CHCHD10: variants seen among roughly 807,000 people sequenced by gnomAD.
The protein encoded by CHCHD10 is coiled-coil-helix-coiled-coil-helix domain containing 10.
Under a neutral mutation model 14.8 loss-of-function variants are expected in CHCHD10, and 10 were observed. The ratio of observed to expected loss-of-function variants is 0.67; its 90% CI spans 0.42 to 1.14. The LOEUF (loss-of-function observed/expected upper bound fraction) is 1.14. CHCHD10 is among the 50% of genes most tolerant of loss of function. The probability of loss-of-function intolerance (pLI) is 0.00; values close to 1 mark genes in which losing one functional copy is unlikely to be tolerated. For missense variants in CHCHD10, 203 were observed against 196.9 expected (o/e 1.03, Z -0.19); for synonymous variants, 90 against 85.2 (o/e 1.06, Z -0.31).
rs569834172 is a variant in CHCHD10 at position 23,766,377 on chromosome 22, G to T, written c.262-102C>A. 15 of 1,108,464 alleles carry T rather than the reference G, an allele frequency of 1.4e-5. No homozygotes were observed. In the East Asian group the frequency reaches 3.9e-4, roughly 29 times the overall value. The allele number at this position is 1,108,464 out of a possible 1,614,324, so 68.7% of individuals were successfully genotyped here. On this transcript the variant is annotated intron_variant, in intron 2 of 3. Coordinates refer to ENST00000484558, the MANE Select transcript of CHCHD10 (RefSeq NM_213720.3). ...CTGCCCCTCCCCACATCCCCAGCCT[G>T]GGTGTCCCAAGGGTCCTAGGCAGGC...
Position 23,765,845 on chromosome 22 carries a change from A to G in CHCHD10, c.*162T>C. On this transcript the variant is annotated 3_prime_UTR_variant, in exon 4 of 4. Transcript: ENST00000484558. ...GGCACACAACAGGCTGTGGTCTAAA[A>G]TAAACTTTTAATTGCACATTTGTGT... 1 of 1,532,032 alleles carries G rather than the reference A, an allele frequency of 6.5e-7. No homozygotes were observed. The highest frequency in any genetic ancestry group is 2.0e-5 in the Admixed American group (1 of 51,084). The allele number at this position is 1,532,032 out of a possible 1,614,324, so 94.9% of individuals were successfully genotyped here.
chr22:23,767,720 C>T (rs903041403), intron 1 of CHCHD10, 114 bp downstream of exon 1: 7 of 1,043,452 alleles, frequency 6.7e-6, no homozygotes, highest in Non-Finnish European at 9.7e-6. Context: ...GCACCCCCAC[C>T]CCTCCCCCCG....
Position 23,765,961 on chromosome 22 carries a change from G to A in CHCHD10, c.*46C>T. The A allele has an allele frequency of 6.2e-7, 1 of 1,612,746 alleles. No individual in the cohort carries two copies. Among genetic ancestry groups the A allele is most frequent in the Non-Finnish European group, 8.5e-7 (1 of 1,179,658 alleles). On this transcript the variant is annotated 3_prime_UTR_variant, in exon 4 of 4. Coordinates refer to ENST00000484558, the MANE Select transcript of CHCHD10 (RefSeq NM_213720.3). ...TGTTGTGGTCTGGCTGTCGGCGAGG[G>A]GTAGAGGTGGGTGCAGGACTGGCCC...
In CHCHD10 at chr22:23,766,261, A is replaced by AT; in HGVS notation, c.275_276insA (p.Ala93CysfsTer26). The AT allele has an allele frequency of 2.8e-6, 3 of 1,073,506 alleles. No homozygotes were observed. Among genetic ancestry groups the AT allele is most frequent in the Non-Finnish European group, 3.9e-6 (3 of 761,382 alleles). The allele number at this position is 1,073,506 out of a possible 1,614,324, so 66.5% of individuals were successfully genotyped here. A position where few individuals can be genotyped will look rare whatever the true frequency, so the allele number is the denominator to read the frequency against. On this transcript the variant is annotated frameshift_variant, in exon 3 of 4. Coordinates refer to ENST00000484558, the MANE Select transcript of CHCHD10 (RefSeq NM_213720.3). LOFTEE classifies it high-confidence loss of function. Reference sequence around the variant, plus strand: ...GCCCCATCTGCAGGGGCTGGGGGGCAGCGGGGGTGGGGGCCTGGGGGTACA... The same window carrying AT: ...GCCCCATCTGCAGGGGCTGGGGGGCATGCGGGGGTGGGGGCCTGGGGGTACA...
In CHCHD10 at chr22:23,765,977, G is replaced by A. The variant is rs778571138; in HGVS notation, c.*30C>T. On this transcript the variant is annotated 3_prime_UTR_variant, in exon 4 of 4. Transcript: ENST00000484558. ...TCGGCGAGGGGTAGAGGTGGGTGCA[G>A]GACTGGCCCCCGAGTCTGCACCGAC... The A allele has an allele frequency of 3.7e-6, 6 of 1,613,032 alleles. No homozygotes were observed. The highest frequency in any genetic ancestry group is 5.1e-6 in the Non-Finnish European group (6 of 1,179,816).
In CHCHD10 at chr22:23,766,208, A is replaced by G. The variant is rs1926787128; in HGVS notation, c.329T>C (p.Leu110Pro). The G allele has an allele frequency of 2.0e-6, 3 of 1,520,964 alleles. No individual in the cohort carries two copies. The highest frequency in any genetic ancestry group is 2.7e-6 in the Non-Finnish European group (3 of 1,119,554). 94.2% of individuals were successfully genotyped at this position (1,520,964 alleles called of 1,614,324 possible). The change falls in exon 3 of 4, where the codon CTG becomes CCG. Residue 110 changes from leucine to proline, a missense_variant. Coordinates refer to ENST00000484558, the MANE Select transcript of CHCHD10 (RefSeq NM_213720.3). ...GPCAYEIRQF[L>P]DCSTTQSDLS... Reference sequence around the variant, plus strand: ...GTCACTCTGAGTGGTGGAACAGTCCAGGAACTGCCTGATCTCGTAGGCGCA... The same window carrying G: ...GTCACTCTGAGTGGTGGAACAGTCCGGGAACTGCCTGATCTCGTAGGCGCA...
chr22:23,766,725 T>C (rs1315483157), intron 2 of CHCHD10, among the ~76,000 whole-genome samples: 2 of 152,220 alleles, frequency 1.3e-5, no homozygotes, highest in Non-Finnish European at 2.9e-5. Context: ...GTGCTGGGAT[T>C]ACAGGCATGA....
rs762839189 is a variant in CHCHD10 at position 23,766,252 on chromosome 22, CTGGGGGGCAGCGGGGG to C, written c.269_284del (p.Thr90SerfsTer35). 8.8e-7 allele frequency: 1 copy of C among 1,134,946 alleles called. No homozygotes were observed. The highest frequency in any genetic ancestry group is 1.4e-5 in the South Asian group (1 of 71,388). The allele number at this position is 1,134,946 out of a possible 1,614,324, so 70.3% of individuals were successfully genotyped here. Reference sequence around the variant, plus strand: ...AGGCGCAGGGCCCCATCTGCAGGGGCTGGGGGGCAGCGGGGGTGGGGGCCTGGGGGTACAGTGCAAG... The same window carrying C: ...AGGCGCAGGGCCCCATCTGCAGGGGCTGGGGGCCTGGGGGTACAGTGCAAG... On this transcript the variant is annotated frameshift_variant, in exon 3 of 4. Coordinates refer to ENST00000484558, the MANE Select transcript of CHCHD10 (RefSeq NM_213720.3). LOFTEE classifies it high-confidence loss of function.
rs730880030 is a variant in CHCHD10, at chr22:23,767,591, C to T, written c.44G>A (p.Arg15His). 9.1e-7 allele frequency: 1 copy of T among 1,101,468 alleles called. No homozygotes were observed. Among genetic ancestry groups the T allele is most frequent in the Non-Finnish European group, 1.2e-6 (1 of 831,384 alleles). The allele number at this position is 1,101,468 out of a possible 1,614,324, so 68.2% of individuals were successfully genotyped here. A position where few individuals can be genotyped will look rare whatever the true frequency, so the allele number is the denominator to read the frequency against. The part of the protein sequence containing the change: ...SRSAASRPAS[R>H]PAAPSAHPPA... ...CGGGTGGGCAGAGGGCGCGGCTGGG[C>T]GGCTGCGGGGGTGGGAGGAAGCAGG... Residue 15 changes from arginine to histidine, a missense_variant and splice_region_variant, in exon 2 of 4, where the codon CGC becomes CAC. Arg to His is a conservative substitution (Grantham distance 29). Transcript: ENST00000484558.
intron 2 of CHCHD10, 35 bp from the exon 3 acceptor site, chr22:23,766,310 T>G: frequency 6.5e-7 from 1 of 1,527,200 alleles, no homozygotes; most frequent in South Asian, 1.2e-5. Context: ...CAGGATCAGC[T>G]TGGAGTTGGC....
chr22:23,767,343 T>C (rs753658886), intron 2 of CHCHD10, 31 bp downstream of exon 2: 2 of 1,577,832 alleles, frequency 1.3e-6, no homozygotes, highest in South Asian at 2.2e-5. Flanking sequence ...GAGATAATCC[T>C]GCCTCAGTTT....
chr22:23,767,308 C>G (rs1175575014), intron 2 of CHCHD10, 66 bp downstream of exon 2: 1 of 1,381,200 alleles, frequency 7.2e-7, no homozygotes, highest in South Asian at 1.2e-5. Flanking sequence ...TCACTGGACA[C>G]TTGGGCAGCT....
At chr22:23,766,982 C>G (rs1026962633) in intron 2 of CHCHD10, among the ~76,000 whole-genome samples, 2 of 152,234 alleles carry the variant, frequency 1.3e-5, no homozygotes, top group African/African-American at 2.4e-5. Context: ...AGGGAAGTGG[C>G]TCCCCTTCGC....
chr22:23,766,951 C>T (rs565510436), intron 2 of CHCHD10, among the ~76,000 whole-genome samples: 1 of 152,210 alleles, frequency 6.6e-6, no homozygotes, highest in Non-Finnish European at 1.5e-5. Context: ...CGGTGGGGTT[C>T]CTAGCAGGGG....
In CHCHD10 at chr22:23,766,278, G is replaced by C. The variant is rs867521564; in HGVS notation, c.262-3C>G. On this transcript the variant is annotated splice_region_variant and splice_polypyrimidine_tract_variant and intron_variant, in intron 2 of 3. Transcript: ENST00000484558. ...TGGGGGGCAGCGGGGGTGGGGGCCT[G>C]GGGGTACAGTGCAAGAGGCTGCAGG... 5 of 1,545,728 alleles carry C rather than the reference G, an allele frequency of 3.2e-6. No homozygotes were observed. Among genetic ancestry groups the C allele is most frequent in the South Asian group, 2.4e-5 (2 of 83,870 alleles).
Position 23,767,921 on chromosome 22 carries a change from T to G in CHCHD10, c.-47A>C, listed in dbSNP as rs2145928251. The G allele has an allele frequency of 7.0e-7, 1 of 1,425,494 alleles. No homozygotes were observed. The highest frequency in any genetic ancestry group is 9.3e-7 in the Non-Finnish European group (1 of 1,079,958). 88.3% of individuals were successfully genotyped at this position (1,425,494 alleles called of 1,614,324 possible). Reference sequence around the variant, plus strand: ...GCGACCTTAGAGACGGCGGCAGCGGTGCTGTCGCGGGGACAAATGCCGCAG... The same window carrying G: ...GCGACCTTAGAGACGGCGGCAGCGGGGCTGTCGCGGGGACAAATGCCGCAG... On this transcript the variant is annotated 5_prime_UTR_variant, in exon 1 of 4. Transcript: ENST00000484558.
Position 23,767,582 on chromosome 22 carries a change from G to T in CHCHD10, c.53C>A (p.Ala18Glu). 1.6e-6 allele frequency: 2 copies of T among 1,255,414 alleles called. No homozygotes were observed. Among genetic ancestry groups the T allele is most frequent in the Non-Finnish European group, 2.1e-6 (2 of 967,692 alleles). The allele number at this position is 1,255,414 out of a possible 1,614,324, so 77.8% of individuals were successfully genotyped here. A position where few individuals can be genotyped will look rare whatever the true frequency, so the allele number is the denominator to read the frequency against. The change falls in exon 2 of 4, where the codon GCG becomes GAG. Residue 18 changes from alanine to glutamate, a missense_variant. Ala to Glu is a moderately radical substitution (Grantham distance 107, BLOSUM62 -1). Transcript: ENST00000484558. Reference sequence around the variant, plus strand: ...GTGCGCGGGCGGGTGGGCAGAGGGCGCGGCTGGGCGGCTGCGGGGGTGGGA... The same window carrying T: ...GTGCGCGGGCGGGTGGGCAGAGGGCTCGGCTGGGCGGCTGCGGGGGTGGGA... Reference protein sequence around the residue: ...AASRPASRPAAPSAHPPAHPP... With the variant: ...AASRPASRPAEPSAHPPAHPP...
At chr22:23,767,672 G>A in intron 1 of CHCHD10, 79 bp from the exon 2 acceptor site, 1 of 838,474 alleles carries the variant, frequency 1.2e-6, no homozygotes, top group Non-Finnish European at 1.8e-6. Context: ...AACGACCCCC[G>A]GAGAGATGGA....
chr22:23,766,133 T>A lies in CHCHD10; in HGVS notation c.404A>T (p.Tyr135Phe). Residue 135 changes from tyrosine to phenylalanine, a missense_variant, in exon 3 of 4, where the codon TAC becomes TTC. Tyr to Phe is a conservative substitution (Grantham distance 22). Coordinates refer to ENST00000484558, the MANE Select transcript of CHCHD10 (RefSeq NM_213720.3). ...GTCGGGGTCCACTCACTCACCATGGTAGTACTTGCACTGCTTCAGGGCCTC... is the reference window on the plus strand; with the variant it reads ...GTCGGGGTCCACTCACTCACCATGGAAGTACTTGCACTGCTTCAGGGCCTC... Reference protein sequence around the residue: ...FSEALKQCKYYHGLSSLP With the variant: ...FSEALKQCKYFHGLSSLP 1 of 1,613,524 alleles carries A rather than the reference T, an allele frequency of 6.2e-7. No individual in the cohort carries two copies. The highest frequency in any genetic ancestry group is 8.5e-7 in the Non-Finnish European group (1 of 1,179,760).
Sources: gnomAD v4.1 joint callset for allele counts (sites outside exome capture counted in the v4.1 genomes callset) on GRCh38, gnomAD v4.1.1 for gene constraint, MANE v1.5 for transcripts, NCBI Gene and HGNC (gene_info 2026-07-23, HGNC 2026-07-21) for gene names.